NAV3: variants seen among roughly 807,000 people sequenced by gnomAD.
NAV3 encodes the protein neuron navigator 3, also known as pore membrane and/or filament interacting like protein 1.
Under a neutral mutation model 244.7 loss-of-function variants are expected in NAV3, and 87 were observed. The observed-to-expected ratio is 0.36, with a 90% confidence interval of 0.30 to 0.42. The LOEUF is 0.42. Among genes scored for constraint, NAV3 ranks in the 20% least tolerant of loss-of-function variants. The probability of loss-of-function intolerance (pLI) is 1.00; values close to 1 mark genes in which losing one functional copy is unlikely to be tolerated. For synonymous variants in NAV3, 1,126 were observed against 1,042.2 expected (o/e 1.08, Z -1.55); for missense variants, 2,663 against 2,893.3 (o/e 0.92, Z 1.83).
intron 2 of NAV3, among the ~76,000 whole-genome samples, chr12:77,594,385 T>C (rs1349696184): frequency 6.6e-6 from 1 of 152,118 alleles, no homozygotes; most frequent in Non-Finnish European, 1.5e-5. Flanking sequence ...TTTCAACCAG[T>C]TTCCACTGAC....
chr12:78,020,618 A>C (rs888105349), intron 8 of NAV3, among the ~76,000 whole-genome samples: 1 of 152,182 alleles, frequency 6.6e-6, no homozygotes, highest in Admixed American at 6.6e-5. Flanking sequence ...TTAAAACCTA[A>C]GTGAACTTTT....
At chr12:77,779,052 A>G (rs141477978) in intron 2 of NAV3, among the ~76,000 whole-genome samples, 2,650 of 152,324 alleles carry the variant, frequency 0.017, 91 homozygotes, top group African/African-American at 0.061. Context: ...GCGACTCTGT[A>G]AATGTGAAAA....
At chr12:77,844,894 A>C (rs1876350013) in intron 1 of NAV3, among the ~76,000 whole-genome samples, 2 of 152,228 alleles carry the variant, frequency 1.3e-5, no homozygotes, top group South Asian at 4.1e-4. Context: ...GTTTTTACTC[A>C]ATTTTCTCGA....
intron 2 of NAV3, among the ~76,000 whole-genome samples, chr12:77,646,318 A>G (rs1872602965): frequency 6.6e-6 from 1 of 152,162 alleles, no homozygotes; most frequent in South Asian, 2.1e-4. Flanking sequence ...AAAAGAGTGA[A>G]ACCTGTGGTG....
chr12:77,771,321 A>G lies in NAV3; in HGVS notation c.73-168998A>G, dbSNP rs373708331. Reference sequence around the variant, plus strand: ...ACACTTTTACACTGTTGGTGGGACTATAAACTAGTTCAACCATTGTGGAAG... The same window carrying G: ...ACACTTTTACACTGTTGGTGGGACTGTAAACTAGTTCAACCATTGTGGAAG... On this transcript the variant is annotated intron_variant, in intron 2 of 8. Coordinates refer to the NAV3 transcript ENST00000550042. Among the ~76,000 whole-genome samples, 401 of 152,264 alleles carry G rather than the reference A, an allele frequency of 2.6e-3. 3 individuals carry two copies. Among genetic ancestry groups the G allele is most frequent in the African/African-American group, 9.0e-3 (372 of 41,524 alleles).
rs138268145 is a variant in NAV3 at position 78,167,964 on chromosome 12, G to A, written c.4870-791G>A. Among the ~76,000 whole-genome samples, 362 of 151,116 alleles carry A rather than the reference G, an allele frequency of 2.4e-3. 1 individual carries two copies. Among genetic ancestry groups the A allele is most frequent in the African/African-American group, 8.6e-3 (354 of 41,368 alleles). ...AATAATTATGAAAGTTCAAATTTGTGCAAATATTTTTATTGGGACATCTTA... is the reference window on the plus strand; with the variant it reads ...AATAATTATGAAAGTTCAAATTTGTACAAATATTTTTATTGGGACATCTTA... On this transcript the variant is annotated intron_variant, in intron 23 of 39. Coordinates refer to ENST00000397909, the MANE Select transcript of NAV3 (RefSeq NM_001024383.2).
chr12:77,637,940 T>C (rs576732565), intron 2 of NAV3, among the ~76,000 whole-genome samples: 1 of 152,228 alleles, frequency 6.6e-6, no homozygotes, highest in Non-Finnish European at 1.5e-5. Context: ...AATTTCTGAA[T>C]TGACATTTTA....
chr12:78,016,754 G>A (rs1250150003), intron 8 of NAV3, among the ~76,000 whole-genome samples: 1 of 152,106 alleles, frequency 6.6e-6, no homozygotes. Flanking sequence ...TCCACAGGGG[G>A]AAATATTTCT....
chr12:78,154,286 C>CTATATATACTACTATATAT lies in NAV3; in HGVS notation c.4786-4915_4786-4914insTATATACTACTATATATTA, dbSNP rs1565731140. On this transcript the variant is annotated intron_variant, in intron 22 of 39. Coordinates refer to ENST00000397909, the MANE Select transcript of NAV3 (RefSeq NM_001024383.2). ...TATATAGTATATATTACTATATATA[C>CTATATATACTACTATATAT]TACTATATATTACTATATAATATAT... 4.0e-3 allele frequency among the ~76,000 whole-genome samples: 474 copies of CTATATATACTACTATATAT among 117,536 alleles called. 2 individuals carry two copies. The highest frequency in any genetic ancestry group is 0.014 in the African/African-American group (439 of 32,482). 77.1% of individuals were successfully genotyped at this position (117,536 alleles called of 152,430 possible).
chr12:78,193,535 T>G (rs1297440694), intron 34 of NAV3, among the ~76,000 whole-genome samples: 1 of 152,156 alleles, frequency 6.6e-6, no homozygotes, highest in Non-Finnish European at 1.5e-5. Flanking sequence ...TTCATCTCAT[T>G]GCCAACTCCC....
At chr12:78,192,325 T>C (rs1221466783) in intron 34 of NAV3, among the ~76,000 whole-genome samples, 2 of 152,096 alleles carry the variant, frequency 1.3e-5, no homozygotes, top group Non-Finnish European at 2.9e-5. Context: ...TTGCCAAGCA[T>C]TGGCAGAGCT....
chr12:77,987,882 A>G (rs990763539), intron 5 of NAV3, among the ~76,000 whole-genome samples: 9 of 152,158 alleles, frequency 5.9e-5, no homozygotes, highest in Non-Finnish European at 1.2e-4. Context: ...TAATTTTTAG[A>G]ATATTTATGG....
At chr12:78,178,409 C>A (rs572581392) in intron 28 of NAV3, among the ~76,000 whole-genome samples, 1 of 152,116 alleles carries the variant, frequency 6.6e-6, no homozygotes, top group East Asian at 1.9e-4. Flanking sequence ...GATTCACCCA[C>A]CTCGGCCTCC....
chr12:77,833,636 T>C (rs1167520568), intron 1 of NAV3, among the ~76,000 whole-genome samples: 2 of 152,250 alleles, frequency 1.3e-5, no homozygotes, highest in Non-Finnish European at 2.9e-5. Context: ...CTTGTGTTAA[T>C]CAGCTCAGTT....
intron 5 of NAV3, among the ~76,000 whole-genome samples, chr12:77,987,560 A>G (rs1870734391): frequency 1.3e-5 from 2 of 152,196 alleles, no homozygotes; most frequent in African/African-American, 4.8e-5. Flanking sequence ...GTAGAGATAT[A>G]ACATGCCATC....
intron 2 of NAV3, among the ~76,000 whole-genome samples, chr12:77,737,400 C>A (rs1161962416): frequency 6.6e-6 from 1 of 151,724 alleles, no homozygotes; most frequent in East Asian, 1.9e-4. Context: ...AGGCCCCCAA[C>A]ATTGCAAGGG....
intron 18 of NAV3, among the ~76,000 whole-genome samples, chr12:78,129,928 A>T (rs1406765805): frequency 6.6e-6 from 1 of 152,208 alleles, no homozygotes; most frequent in African/African-American, 2.4e-5. Context: ...AGTAATAGAA[A>T]ACACACAATC....
Position 77,949,834 on chromosome 12 carries a change from C to T in NAV3, c.414+8701C>T, listed in dbSNP as rs568915975. Among the ~76,000 whole-genome samples the T allele has an allele frequency of 1.1e-4, 16 of 152,132 alleles. 1 individual carries two copies. The South Asian group carries it at 3.1e-3, about 30-fold the overall frequency. ...TACTGCCCTACACATCCTCTGTGCT[C>T]CAACCCCTGGGAACCAGTGATTGTT... On this transcript the variant is annotated intron_variant, in intron 3 of 39. Coordinates refer to ENST00000397909, the MANE Select transcript of NAV3 (RefSeq NM_001024383.2).
intron 7 of NAV3, among the ~76,000 whole-genome samples, chr12:78,003,170 T>TTTTTTTTTTTTTTTTTTTTGAGACGGA (rs1457926634): frequency 6.7e-6 from 1 of 150,034 alleles, no homozygotes; most frequent in Non-Finnish European, 1.5e-5. Context: ...CAATTATTTA[T>TTTTTTTTTTTTTTTTTTTTGAGACGGA]GCAAAGCAGT....
Sources: gnomAD v4.1 joint callset for allele counts (sites outside exome capture counted in the v4.1 genomes callset) on GRCh38, gnomAD v4.1.1 for gene constraint, MANE v1.5 for transcripts, NCBI Gene and HGNC (gene_info 2026-07-23, HGNC 2026-07-21) for gene names.